The following SHISA9 variants were observed in gnomAD, a reference collection of about 807,000 sequenced individuals.
SHISA9 encodes protein shisa-9.
A neutral mutation model predicts 38.0 loss-of-function variants in SHISA9; 13 were observed. The ratio of observed to expected loss-of-function variants is 0.34; its 90% confidence interval spans 0.22 to 0.54. The LOEUF (loss-of-function observed/expected upper bound fraction) is 0.54. SHISA9 is among the 20% of genes least tolerant of loss of function. SHISA9 has a pLI of 0.91. For synonymous variants in SHISA9, 275 were observed against 242.0 expected, an observed-to-expected ratio of 1.14 and a Z score of -1.27; for missense variants, 538 against 575.8, an observed-to-expected ratio of 0.93 and a Z score of 0.67.
chr16:13,223,888 C>T (rs1020209820), intron 4 of SHISA9, among the ~76,000 whole-genome samples: 3 of 152,200 alleles, frequency 2.0e-5, no homozygotes, highest in African/African-American at 7.2e-5. Flanking sequence ...TTGCAATATT[C>T]TATACTGCAG....
chr16:13,391,292 T>C, the SHISA9 span, among the ~76,000 whole-genome samples: 1 of 152,326 alleles, frequency 6.6e-6, no homozygotes, highest in Admixed American at 6.5e-5. Flanking sequence ...CTTGGTATAA[T>C]TCACTGTGCT....
intron 2 of SHISA9, among the ~76,000 whole-genome samples, chr16:13,071,604 T>TCC (rs1567202386): frequency 0.04 from 5,096 of 128,080 alleles, 125 homozygotes; most frequent in Admixed American, 0.085. Flanking sequence ...TTCCTTCCCT[T>TCC]TCTTCCCTTC....
At chr16:13,455,865 T>C in the SHISA9 span, among the ~76,000 whole-genome samples, 23 of 152,174 alleles carry the variant, frequency 1.5e-4, no homozygotes, top group African/African-American at 5.3e-4. Context: ...ACTCTGTTGA[T>C]GACTGTGAGT....
At chr16:12,951,395 A>C (rs2071755379) in intron 2 of SHISA9, among the ~76,000 whole-genome samples, 2 of 152,140 alleles carry the variant, frequency 1.3e-5, no homozygotes, top group African/African-American at 2.4e-5. Flanking sequence ...AATATTGTCA[A>C]CTTTGCAGGG....
chr16:13,561,794 A>G, the SHISA9 span, among the ~76,000 whole-genome samples: 1 of 152,132 alleles, frequency 6.6e-6, no homozygotes, highest in Non-Finnish European at 1.5e-5. Flanking sequence ...GTGTTAAATT[A>G]TGTGTAGGAA....
chr16:12,916,923 G>T, intron 2 of SHISA9, 108 bp downstream of exon 2: 1 of 1,258,812 alleles, frequency 7.9e-7, no homozygotes, highest in African/African-American at 1.5e-5. Context: ...GCTCTTTGTG[G>T]GCAAGTTAGA....
At chr16:13,339,974 G>T in the SHISA9 span, among the ~76,000 whole-genome samples, 1 of 152,124 alleles carries the variant, frequency 6.6e-6, no homozygotes, top group African/African-American at 2.4e-5. Flanking sequence ...TATTTCTTTA[G>T]AAATGATAAA....
At chr16:13,502,368 A>G in the SHISA9 span, among the ~76,000 whole-genome samples, 1 of 152,204 alleles carries the variant, frequency 6.6e-6, no homozygotes, top group Admixed American at 6.5e-5. Context: ...TGCCAGACGT[A>G]GCCTTCACCT....
the SHISA9 span, among the ~76,000 whole-genome samples, chr16:13,363,612 T>C: frequency 6.6e-6 from 1 of 152,134 alleles, no homozygotes; most frequent in African/African-American, 2.4e-5. Context: ...TGGAGAACTG[T>C]AAATGGTTTG....
chr16:13,126,737 G>A (rs1485015146), intron 2 of SHISA9, among the ~76,000 whole-genome samples: 2 of 148,410 alleles, frequency 1.3e-5, no homozygotes, highest in African/African-American at 2.5e-5. Context: ...GAAAGAGAGA[G>A]TGACTGAGGG....
intron 2 of SHISA9, among the ~76,000 whole-genome samples, chr16:12,937,008 A>G (rs750404553): frequency 6.6e-6 from 1 of 152,120 alleles, no homozygotes; most frequent in South Asian, 2.1e-4. Context: ...GGAACACAGG[A>G]TATCCCCCAA....
At chr16:13,021,754 C>G (rs1050517724) in intron 2 of SHISA9, among the ~76,000 whole-genome samples, 2 of 152,154 alleles carry the variant, frequency 1.3e-5, no homozygotes, top group African/African-American at 2.4e-5. Context: ...TAGAATACCC[C>G]CTGTGTCATT....
chr16:12,915,502 C>T (rs1655766679), intron 1 of SHISA9, among the ~76,000 whole-genome samples: 1 of 152,128 alleles, frequency 6.6e-6, no homozygotes, highest in South Asian at 2.1e-4. Flanking sequence ...AGTTGGTGAC[C>T]ATCTAGATGG....
intron 2 of SHISA9, among the ~76,000 whole-genome samples, chr16:13,023,790 G>A (rs188369902): frequency 1.6e-4 from 25 of 152,128 alleles, no homozygotes; most frequent in South Asian, 6.2e-4. Flanking sequence ...GCATTTTTTC[G>A]TGTGTCTGTT....
At chr16:13,218,708 C>T (rs535479961) in intron 4 of SHISA9, among the ~76,000 whole-genome samples, 16 of 152,246 alleles carry the variant, frequency 1.1e-4, no homozygotes, top group Admixed American at 5.9e-4. Flanking sequence ...ATCGCTAAAC[C>T]AGTGTCTAGC....
At chr16:13,018,379 G>A (rs957006631) in intron 2 of SHISA9, among the ~76,000 whole-genome samples, 2 of 152,214 alleles carry the variant, frequency 1.3e-5, no homozygotes, top group African/African-American at 4.8e-5. Flanking sequence ...GTGAAGACCA[G>A]CTTTTTGGTA....
At chr16:12,924,524 C>T (rs767019734) in intron 2 of SHISA9, among the ~76,000 whole-genome samples, 1 of 152,090 alleles carries the variant, frequency 6.6e-6, no homozygotes, top group Non-Finnish European at 1.5e-5. Flanking sequence ...AGTTCTTTTT[C>T]ATAGTTGGGC....
the SHISA9 span, among the ~76,000 whole-genome samples, chr16:13,325,951 GA>G: frequency 6.6e-6 from 1 of 151,472 alleles, no homozygotes; most frequent in Admixed American, 6.6e-5. Flanking sequence ...CCTAATGCAT[GA>G]GGGGCTTGAA....
At chr16:13,483,172 G>A in the SHISA9 span, among the ~76,000 whole-genome samples, 10 of 152,140 alleles carry the variant, frequency 6.6e-5, no homozygotes, top group Non-Finnish European at 1.2e-4. Flanking sequence ...TTGCAGATGC[G>A]TGGGGGTGTG....
Sources: gnomAD v4.1 joint callset for allele counts (sites outside exome capture counted in the v4.1 genomes callset) on GRCh38, gnomAD v4.1.1 for gene constraint, MANE v1.5 for transcripts, NCBI Gene and HGNC (gene_info 2026-07-23, HGNC 2026-07-21) for gene names.